The following DNAH7 variants were observed in gnomAD, a reference collection of about 807,000 sequenced individuals.
DNAH7 encodes axonemal beta dynein heavy chain 7.
DNAH7 carries 397 observed loss-of-function variants against 444.6 expected under a neutral mutation model. The ratio of observed to expected loss-of-function variants is 0.89; its 90% CI spans 0.82 to 0.97. The LOEUF (loss-of-function observed/expected upper bound fraction) is 0.97, where lower values mean the gene tolerates loss of function less well. Among genes scored for constraint, DNAH7 ranks in the 50% least tolerant of loss-of-function variants. DNAH7 has a pLI of 0.00. For missense variants in DNAH7, 4,902 were observed against 4,800.8 expected (o/e 1.02, Z -0.62); for synonymous variants, 1,636 against 1,624.4 (o/e 1.01, Z -0.17).
At chr2:195,945,581 G>C (rs1689744012) in intron 19 of DNAH7, among the ~76,000 whole-genome samples, 1 of 152,122 alleles carries the variant, frequency 6.6e-6, no homozygotes. Flanking sequence ...TTCACTTCCA[G>C]AAAGTCAGAT....
chr2:196,044,123 T>C (rs1696943284), intron 5 of DNAH7, among the ~76,000 whole-genome samples: 2 of 151,538 alleles, frequency 1.3e-5, no homozygotes, highest in Non-Finnish European at 2.9e-5. Flanking sequence ...AGCAGCAAAA[T>C]TCACAATTGT....
chr2:195,958,432 A>G (rs1189108142), intron 18 of DNAH7, among the ~76,000 whole-genome samples: 3 of 152,228 alleles, frequency 2.0e-5, no homozygotes, highest in African/African-American at 7.2e-5. Flanking sequence ...GCTTCTGGTT[A>G]ACAGTAGGCT....
rs150733572 is a variant in DNAH7 at position 195,890,416 on chromosome 2, G to A, written c.5046+1239C>T. ...ACTACTTATGAGCTGTGGACTTCAGGTGAACTACTTAAACTCCCTGAGACT... is the reference window on the plus strand; with the variant it reads ...ACTACTTATGAGCTGTGGACTTCAGATGAACTACTTAAACTCCCTGAGACT... On this transcript the variant is annotated intron_variant, in intron 31 of 64. Coordinates refer to ENST00000312428, the MANE Select transcript of DNAH7 (RefSeq NM_018897.3). Among the ~76,000 whole-genome samples the A allele has an allele frequency of 2.4e-3, 373 of 152,296 alleles. 1 individual carries two copies. The highest frequency in any genetic ancestry group is 8.4e-3 in the African/African-American group (348 of 41,576).
At chr2:195,745,215 CCT>C (rs1693318847) in intron 63 of DNAH7, among the ~76,000 whole-genome samples, 2 of 152,242 alleles carry the variant, frequency 1.3e-5, no homozygotes, top group South Asian at 4.1e-4. Flanking sequence ...AATGCAGAAG[CCT>C]CAGGAGCCGA....
chr2:196,068,772 T>C lies in DNAH7; in HGVS notation c.-61A>G. The C allele has an allele frequency of 1.3e-6, 2 of 1,544,558 alleles. No homozygotes were observed. Among genetic ancestry groups the C allele is most frequent in the South Asian group, 1.2e-5 (1 of 83,212 alleles). ...GGGTTGCTCCTGCCCGCGGAACCCC[T>C]AGGACGATAGAGGCAGGGCCCCGGG... is the stretch of plus-strand genomic sequence containing the variant. On this transcript the variant is annotated 5_prime_UTR_variant, in exon 1 of 65. Coordinates refer to ENST00000312428, the MANE Select transcript of DNAH7 (RefSeq NM_018897.3).
In DNAH7 at chr2:195,910,147, A is replaced by C. The variant is rs906688519; in HGVS notation, c.3984T>G (p.Gly1328=). 4 of 1,613,392 alleles carry C rather than the reference A, an allele frequency of 2.5e-6. No homozygotes were observed. In the Admixed American group the frequency reaches 5.0e-5, roughly 20 times the overall value. The change falls in exon 25 of 65, where the codon GGT becomes GGG. Residue 1328 remains glycine (G), a synonymous_variant. Transcript: ENST00000312428. ...LHLHLGGAPE[G]PAGTGKTETT... ...TTTCAGTCTTCCCAGTGCCAGCTGGACCCTCAGGTGCTCCTCCAAGGTGCA... is the reference window on the plus strand; with the variant it reads ...TTTCAGTCTTCCCAGTGCCAGCTGGCCCCTCAGGTGCTCCTCCAAGGTGCA...
At chr2:195,809,608 T>G (rs1696868349) in intron 52 of DNAH7, 137 bp downstream of exon 52, 2 of 757,572 alleles carry the variant, frequency 2.6e-6, no homozygotes, top group African/African-American at 1.8e-5. Context: ...TGATAACATC[T>G]TGCCTTAACT....
chr2:195,848,245 G>C (rs1165965566), intron 46 of DNAH7, among the ~76,000 whole-genome samples: 2 of 152,198 alleles, frequency 1.3e-5, no homozygotes, highest in East Asian at 3.9e-4. Flanking sequence ...TGGGGGAATT[G>C]ATGACATTCA....
At chr2:195,794,693 T>C (rs1462050469) in intron 56 of DNAH7, among the ~76,000 whole-genome samples, 155 bp from the exon 57 acceptor site, 1 of 152,252 alleles carries the variant, frequency 6.6e-6, no homozygotes, top group Non-Finnish European at 1.5e-5. Context: ...TAAAATCTGA[T>C]GCTGCTCCTA....
At chr2:195,938,063 T>C (rs1428827265) in intron 19 of DNAH7, among the ~76,000 whole-genome samples, 2 of 152,118 alleles carry the variant, frequency 1.3e-5, no homozygotes, top group East Asian at 1.9e-4. Flanking sequence ...TTTTTTCCTA[T>C]AGGAATTTTA....
At chr2:195,880,227 C>T (rs1210004309) in intron 36 of DNAH7, among the ~76,000 whole-genome samples, 2 of 152,106 alleles carry the variant, frequency 1.3e-5, no homozygotes, top group Non-Finnish European at 1.5e-5. Context: ...ATCAACAATT[C>T]CATGTCCAGG....
intron 49 of DNAH7, among the ~76,000 whole-genome samples, chr2:195,822,256 A>G (rs1406348865): frequency 2.6e-5 from 4 of 152,216 alleles, no homozygotes; most frequent in Non-Finnish European, 5.9e-5. Flanking sequence ...TCCAAAAACC[A>G]TAGGCACAGT....
At chr2:196,057,229 A>C (rs929077165) in intron 2 of DNAH7, among the ~76,000 whole-genome samples, 3 of 152,230 alleles carry the variant, frequency 2.0e-5, no homozygotes, top group African/African-American at 7.2e-5. Flanking sequence ...AGAGCCAGTC[A>C]AACATGAGCA....
intron 19 of DNAH7, among the ~76,000 whole-genome samples, chr2:195,937,560 A>AT (rs960444312): frequency 1.1e-4 from 16 of 152,210 alleles, no homozygotes; most frequent in African/African-American, 3.4e-4. Flanking sequence ...AAGAACTCAT[A>AT]TTTTTTAAAA....
At chr2:195,771,937 A>G (rs1247223737) in intron 60 of DNAH7, 47 bp from the exon 61 acceptor site, 1 of 1,517,712 alleles carries the variant, frequency 6.6e-7, no homozygotes, top group African/African-American at 1.4e-5. Context: ...TAAAGGTCTA[A>G]CAATAGCTGA....
Position 195,864,841 on chromosome 2 carries a change from C to T in DNAH7, c.6814G>A (p.Asp2272Asn). Residue 2272 changes from aspartate (D) to asparagine (N), a missense_variant, in exon 41 of 65, where the codon GAT becomes AAT. Asp to Asn is a conservative substitution (Grantham distance 23). Transcript: ENST00000312428. ...TCCTCCCTCTTGGGATCATGGAAAT[C>T]ACAAAACATTAAGCTGCGTAAGTCA... ...ADDLRSLMFC[D>N]FHDPKREDTN... 6.2e-7 allele frequency: 1 copy of T among 1,614,152 alleles called. No homozygotes were observed. The highest frequency in any genetic ancestry group is 8.5e-7 in the Non-Finnish European group (1 of 1,180,036).
At chr2:195,848,083 G>A (rs564848595) in intron 46 of DNAH7, among the ~76,000 whole-genome samples, 12 of 152,322 alleles carry the variant, frequency 7.9e-5, no homozygotes, top group African/African-American at 2.6e-4. Flanking sequence ...GTATGGTGCT[G>A]GTACCAGCCT....
rs1700206410 is a variant in DNAH7 at position 195,864,549 on chromosome 2, T to C, written c.7106A>G (p.Lys2369Arg). 2.5e-6 allele frequency: 4 copies of C among 1,614,184 alleles called. No individual in the cohort carries two copies. Among genetic ancestry groups the C allele is most frequent in the Non-Finnish European group, 3.4e-6 (4 of 1,180,036 alleles). The change falls in exon 41 of 65, where the codon AAG becomes AGG. Residue 2369 changes from lysine to arginine, a missense_variant. Coordinates refer to ENST00000312428, the MANE Select transcript of DNAH7 (RefSeq NM_018897.3). ...ATGCCATTCAGTAGTATCATACCCC[T>C]TAGAGATTTCAACTTGGAAAACTGA... ...DYSVFQVEIS[K>R]GYDTTEWHED...
In DNAH7 at chr2:195,789,168, A is replaced by AT. The variant is rs111630566; in HGVS notation, c.10717-1998dup. Among the ~76,000 whole-genome samples, 279 of 149,512 alleles carry AT rather than the reference A, an allele frequency of 1.9e-3. 2 individuals carry two copies. Among genetic ancestry groups the AT allele is most frequent in the South Asian group, 7.2e-3 (34 of 4,714 alleles). ...CTGCTACTAATCACCAGATAATAGA[A>AT]TTTTTTTTTTTAATATGGAACCTAT... is the stretch of plus-strand genomic sequence containing the variant. On this transcript the variant is annotated intron_variant, in intron 57 of 64. Coordinates refer to ENST00000312428, the MANE Select transcript of DNAH7 (RefSeq NM_018897.3).
Sources: gnomAD v4.1 joint callset for allele counts (sites outside exome capture counted in the v4.1 genomes callset) on GRCh38, gnomAD v4.1.1 for gene constraint, MANE v1.5 for transcripts, NCBI Gene and HGNC (gene_info 2026-07-23, HGNC 2026-07-21) for gene names.